Variants in NAV3 observed in about 807,000 individuals in gnomAD.
NAV3 encodes pore membrane and/or filament interacting like protein 1.
NAV3 carries 87 observed loss-of-function variants against 244.7 expected under a neutral mutation model. That is an observed-to-expected ratio of 0.36 (90% CI 0.30 to 0.42). The LOEUF is 0.42. Ranked by LOEUF, NAV3 falls within the 20% of genes least tolerant of loss-of-function variation. The pLI, the probability that NAV3 is intolerant of heterozygous loss-of-function variation, is 1.00. For missense variants in NAV3, 2,663 were observed against 2,893.3 expected (o/e 0.92, Z 1.83); for synonymous variants, 1,126 against 1,042.2 (o/e 1.08, Z -1.55).
upstream of NAV3, among the ~76,000 whole-genome samples, chr12:77,828,046 G>T (rs545183962): frequency 6.6e-6 from 1 of 152,112 alleles, no homozygotes; most frequent in Non-Finnish European, 1.5e-5. Flanking sequence ...CATGAGTTTT[G>T]CATCCCCTCC....
At chr12:78,026,453 T>C (rs1878071126) in intron 9 of NAV3, among the ~76,000 whole-genome samples, 1 of 152,216 alleles carries the variant, frequency 6.6e-6, no homozygotes. Context: ...TATTCATGGC[T>C]CCTTTTTAAT....
At position 78,119,480 on chromosome 12, in the gene NAV3, A is replaced by C. The variant is rs1356376419; in HGVS notation, c.3284A>C (p.Lys1095Thr). 1 of 1,614,086 alleles carries C rather than the reference A, an allele frequency of 6.2e-7. No homozygotes were observed. The highest frequency in any genetic ancestry group is 8.5e-7 in the Non-Finnish European group (1 of 1,180,044). ...ACAAGTGGCTCTGCAACACTGGGTA[A>C]AATTCCAAAATCTGCTGCCATTGGC... Reference protein sequence around the residue: ...TITSGSATLGKIPKSAAIGGK... With the variant: ...TITSGSATLGTIPKSAAIGGK... Residue 1095 changes from lysine to threonine, a missense_variant, in exon 15 of 40, where the codon AAA becomes ACA. By Grantham distance (78) the Lys-to-Thr change is moderately conservative. Transcript: ENST00000397909.
At chr12:77,612,296 G>A (rs952964510) in intron 2 of NAV3, among the ~76,000 whole-genome samples, 1 of 152,126 alleles carries the variant, frequency 6.6e-6, no homozygotes, top group African/African-American at 2.4e-5. Flanking sequence ...ATGTGCACTT[G>A]TAGATAATAC....
At chr12:77,926,006 C>A (rs1888180825) in intron 1 of NAV3, among the ~76,000 whole-genome samples, 1 of 152,108 alleles carries the variant, frequency 6.6e-6, no homozygotes, top group Non-Finnish European at 1.5e-5. Context: ...GTTGAAAAAA[C>A]AAATATTTTT....
chr12:78,132,935 A>G (rs1956224672), intron 18 of NAV3, among the ~76,000 whole-genome samples: 1 of 152,066 alleles, frequency 6.6e-6, no homozygotes, highest in Admixed American at 6.6e-5. Flanking sequence ...TCTTACTTGA[A>G]ACTGTGCTCT....
chr12:78,190,509 C>T (rs1415405299), intron 34 of NAV3, among the ~76,000 whole-genome samples: 1 of 151,960 alleles, frequency 6.6e-6, no homozygotes, highest in Admixed American at 6.6e-5. Flanking sequence ...CACCTAGAAA[C>T]TGTTACAGTA....
At chr12:78,019,506 G>C (rs1229043017) in intron 8 of NAV3, among the ~76,000 whole-genome samples, 1 of 152,064 alleles carries the variant, frequency 6.6e-6, no homozygotes, top group African/African-American at 2.4e-5. Flanking sequence ...TGAAAACATA[G>C]GTCCAGGGAA....
At chr12:77,834,243 T>A (rs942731369) in intron 1 of NAV3, among the ~76,000 whole-genome samples, 1 of 152,186 alleles carries the variant, frequency 6.6e-6, no homozygotes, top group African/African-American at 2.4e-5. Context: ...AGCACTTCCC[T>A]GCCCCCTTCC....
intron 3 of NAV3, among the ~76,000 whole-genome samples, chr12:77,959,134 A>G (rs1484781681): frequency 4.6e-5 from 7 of 152,172 alleles, no homozygotes; most frequent in Non-Finnish European, 8.8e-5. Context: ...AGTTTCTTTG[A>G]AGAACATAGT....
chr12:78,073,613 C>T (rs1331592071), intron 12 of NAV3, among the ~76,000 whole-genome samples: 1 of 152,040 alleles, frequency 6.6e-6, no homozygotes, highest in East Asian at 1.9e-4. Flanking sequence ...GCCATACTGC[C>T]CAAGGTAATT....
intron 2 of NAV3, among the ~76,000 whole-genome samples, chr12:77,749,698 C>A (rs1868741518): frequency 6.6e-6 from 1 of 151,848 alleles, no homozygotes; most frequent in Non-Finnish European, 1.5e-5. Flanking sequence ...GGCATAATAG[C>A]AATACAGTAA....
In NAV3 at chr12:78,005,916, C is replaced by CT. The variant is rs566543406; in HGVS notation, c.881-493dup. The stretch of plus-strand genomic sequence containing the variant: ...GAATAAAGCGAAATATCATAAATAA[C>CT]TTTTTTTTTTGAGAGAGAGTCTTGC... On this transcript the variant is annotated intron_variant, in intron 7 of 39. Coordinates refer to ENST00000397909, the MANE Select transcript of NAV3 (RefSeq NM_001024383.2). Among the ~76,000 whole-genome samples, 414 of 149,860 alleles carry CT rather than the reference C, an allele frequency of 2.8e-3. 1 individual carries two copies. Among genetic ancestry groups the CT allele is most frequent in the Non-Finnish European group, 3.6e-3 (240 of 67,310 alleles).
intron 2 of NAV3, among the ~76,000 whole-genome samples, chr12:77,584,336 TG>T (rs1372914496): frequency 1.3e-5 from 2 of 152,068 alleles, no homozygotes; most frequent in African/African-American, 2.4e-5. Flanking sequence ...CTTAACAAAT[TG>T]GGTTGTGATT....
intron 2 of NAV3, among the ~76,000 whole-genome samples, chr12:77,685,383 C>G (rs1422797860): frequency 1.3e-5 from 2 of 151,956 alleles, no homozygotes; most frequent in Non-Finnish European, 2.9e-5. Context: ...GTGAAGAACT[C>G]TGAACTTCAT....
chr12:77,703,239 G>A (rs1457174055), intron 2 of NAV3, among the ~76,000 whole-genome samples: 1 of 151,892 alleles, frequency 6.6e-6, no homozygotes, highest in African/African-American at 2.4e-5. Context: ...TGTCCCTAAA[G>A]TTTCTCTTAT....
intron 23 of NAV3, among the ~76,000 whole-genome samples, chr12:78,163,312 G>A (rs953072351): frequency 6.6e-6 from 1 of 152,014 alleles, no homozygotes. Flanking sequence ...AAATAACACG[G>A]AATCTCTTGC....
At chr12:77,862,658 G>A (rs1283763964) in intron 1 of NAV3, among the ~76,000 whole-genome samples, 2 of 151,696 alleles carry the variant, frequency 1.3e-5, no homozygotes, top group African/African-American at 2.4e-5. Context: ...TATAAAAAAG[G>A]GAGCATCATT....
At chr12:77,657,844 C>A (rs1471074934) in intron 2 of NAV3, among the ~76,000 whole-genome samples, 2 of 151,988 alleles carry the variant, frequency 1.3e-5, no homozygotes, top group Admixed American at 6.6e-5. Context: ...TAAACAGAAC[C>A]AAAGACAAAA....
chr12:77,720,702 A>G (rs1281720532), intron 2 of NAV3, among the ~76,000 whole-genome samples: 3 of 152,154 alleles, frequency 2.0e-5, no homozygotes, highest in Non-Finnish European at 4.4e-5. Flanking sequence ...ATGTGGAGCC[A>G]GTAAGCAACT....
Sources: allele counts gnomAD v4.1 joint callset (sites outside exome capture counted in the v4.1 genomes callset), GRCh38; gene constraint gnomAD v4.1.1; transcripts MANE v1.5; gene names NCBI Gene and HGNC (gene_info 2026-07-23, HGNC 2026-07-21).